Variants in ADCY10 observed in about 807,000 individuals in gnomAD.
The protein encoded by ADCY10 is adenylate cyclase 10.
Under a neutral mutation model 183.3 loss-of-function variants are expected in ADCY10, and 156 were observed. The observed-to-expected ratio is 0.85, with a 90% confidence interval of 0.75 to 0.97. The LOEUF is 0.97. ADCY10 is among the 50% of genes least tolerant of loss of function. ADCY10 has a pLI of 0.00. For missense variants in ADCY10, 1,745 were observed against 1,934.3 expected (o/e 0.90, Z 1.84); for synonymous variants, 645 against 670.0 (o/e 0.96, Z 0.58).
At chr1:167,817,859 G>C (rs576457061) in intron 31 of ADCY10, among the ~76,000 whole-genome samples, 2 of 152,156 alleles carry the variant, frequency 1.3e-5, no homozygotes, top group African/African-American at 4.8e-5. Context: ...AAAAATACTT[G>C]AAAAGTGGGA....
rs1339214572 is a variant in ADCY10, at chr1:167,875,144, A to G, written c.1449T>C (p.Asp483=). ...CCTACTACCTACCCAGCAAAGGGTA[A>G]TCCTCCTTTCTGTTGCAGATGAGGC... ...MACLICNRKE[D]YPLLGRNKEI... is the part of the protein sequence containing the mutation. Residue 483 remains aspartate, a synonymous_variant, in exon 13 of 33, where the codon GAT becomes GAC. Transcript: ENST00000367851. 3.1e-6 allele frequency: 5 copies of G among 1,614,080 alleles called. No homozygotes were observed. Among genetic ancestry groups the G allele is most frequent in the Non-Finnish European group, 8.5e-7 (1 of 1,180,010 alleles).
intron 31 of ADCY10, among the ~76,000 whole-genome samples, chr1:167,816,536 A>T (rs1662540597): frequency 6.6e-6 from 1 of 151,888 alleles, no homozygotes; most frequent in Admixed American, 6.6e-5. Flanking sequence ...ACAGAGTGAG[A>T]CTCCATTTCA....
At chr1:167,888,664 C>T (rs948428038) in intron 8 of ADCY10, among the ~76,000 whole-genome samples, 21 of 152,088 alleles carry the variant, frequency 1.4e-4, no homozygotes, top group African/African-American at 4.8e-4. Context: ...ATCACGAGGT[C>T]AGGAGATCGA....
rs1358629057 is a variant in ADCY10 at position 167,880,055 on chromosome 1, C to T, written c.1216+60G>A. The T allele has an allele frequency of 3.4e-6, 5 of 1,454,608 alleles. No homozygotes were observed. In the Admixed American group the frequency reaches 9.2e-5, roughly 27 times the overall value. 90.1% of individuals were successfully genotyped at this position (1,454,608 alleles called of 1,614,324 possible). A position where few individuals can be genotyped will look rare whatever the true frequency, so the allele number is the denominator to read the frequency against. On this transcript the variant is annotated intron_variant, in intron 11 of 32. Transcript: ENST00000367851. ...CATTTTTGTGCTTCCTCCCGCAAAG[C>T]CCAGTGGCAAGGTGCTGTGTTTGCA...
At chr1:167,861,331 T>C (rs184915344) in intron 14 of ADCY10, among the ~76,000 whole-genome samples, 2 of 152,284 alleles carry the variant, frequency 1.3e-5, no homozygotes, top group East Asian at 1.9e-4. Flanking sequence ...ACTACCCCCA[T>C]CCAGGTCATG....
At chr1:167,855,181 G>A (rs564911674) in intron 17 of ADCY10, among the ~76,000 whole-genome samples, 6 of 152,232 alleles carry the variant, frequency 3.9e-5, no homozygotes, top group Admixed American at 2.6e-4. Flanking sequence ...TTAGCTGGGC[G>A]TAGTGGGGCA....
At chr1:167,828,009 C>T (rs1663443025) in intron 26 of ADCY10, among the ~76,000 whole-genome samples, 3 of 152,084 alleles carry the variant, frequency 2.0e-5, no homozygotes, top group Admixed American at 2.0e-4. Context: ...CCACCATGCC[C>T]CGCTAATATC....
Position 167,901,646 on chromosome 1 carries a change from C to A in ADCY10, c.436+16G>T. 1.2e-6 allele frequency: 2 copies of A among 1,613,638 alleles called. No homozygotes were observed. Among genetic ancestry groups the A allele is most frequent in the Non-Finnish European group, 1.7e-6 (2 of 1,179,750 alleles). Reference sequence around the variant, plus strand: ...ATCCCAGCTGCCGTAGGATTTATTCCTTCTCAAATGCTTACCTATCTTGAC... The same window carrying A: ...ATCCCAGCTGCCGTAGGATTTATTCATTCTCAAATGCTTACCTATCTTGAC... On this transcript the variant is annotated intron_variant, in intron 5 of 32. Transcript: ENST00000367851.
chr1:167,887,338 T>C (rs537226911), intron 8 of ADCY10, among the ~76,000 whole-genome samples: 54 of 152,318 alleles, frequency 3.5e-4, no homozygotes, highest in African/African-American at 1.2e-3. Context: ...AAATGTGGCA[T>C]GTATACACAG....
At chr1:167,837,367 A>C in intron 21 of ADCY10, 49 bp from the exon 22 acceptor site, 4 of 1,492,642 alleles carry the variant, frequency 2.7e-6, no homozygotes, top group Non-Finnish European at 3.7e-6. Flanking sequence ...TGTTCTCTGC[A>C]GTGGAGATAT....
chr1:167,810,973 T>G, intron 31 of ADCY10, 60 bp from the exon 32 acceptor site: 1 of 1,489,220 alleles, frequency 6.7e-7, no homozygotes. Flanking sequence ...TGACTGTAAG[T>G]TATTTCCTTC....
At chr1:167,909,574 A>T (rs1670023393) in intron 1 of ADCY10, among the ~76,000 whole-genome samples, 1 of 152,024 alleles carries the variant, frequency 6.6e-6, no homozygotes, top group Admixed American at 6.6e-5. Context: ...TTCTTAGCTC[A>T]TCAGCTATCA....
chr1:167,849,385 C>T lies in ADCY10; in HGVS notation c.2309-896G>A, dbSNP rs576413291. On this transcript the variant is annotated intron_variant, in intron 18 of 32. Transcript: ENST00000367851. ...CAGCCATTCATGTAGTCCTTGGTAG[C>T]GGCAAGACTGTGCTAGGTGAGGTGG... 6.6e-5 allele frequency among the ~76,000 whole-genome samples: 10 copies of T among 152,216 alleles called. No homozygotes were observed. In the South Asian group the frequency reaches 1.9e-3, roughly 28 times the overall value.
chr1:167,835,762 C>A (rs530419451), intron 23 of ADCY10, among the ~76,000 whole-genome samples: 1 of 152,118 alleles, frequency 6.6e-6, no homozygotes, highest in Non-Finnish European at 1.5e-5. Flanking sequence ...TGGTGGCATA[C>A]GTCTGCAGTC....
At chr1:167,869,613 A>G (rs941571896) in intron 14 of ADCY10, among the ~76,000 whole-genome samples, 28 of 152,148 alleles carry the variant, frequency 1.8e-4, no homozygotes, top group African/African-American at 6.5e-4. Context: ...TGTTATCTAT[A>G]GATTCCACAC....
intron 5 of ADCY10, 103 bp downstream of exon 5, chr1:167,901,559 T>C: frequency 8.2e-7 from 1 of 1,216,558 alleles, no homozygotes; most frequent in Non-Finnish European, 1.2e-6. Flanking sequence ...ATCATGGGGC[T>C]GAGCCACCAT....
chr1:167,844,390 T>C (rs1001882559), intron 21 of ADCY10, among the ~76,000 whole-genome samples: 1 of 152,240 alleles, frequency 6.6e-6, no homozygotes, highest in African/African-American at 2.4e-5. Flanking sequence ...CTCGTCCCAC[T>C]GTGCAAAGCT....
chr1:167,884,653 C>G (rs1030573063), intron 8 of ADCY10, among the ~76,000 whole-genome samples: 2 of 151,600 alleles, frequency 1.3e-5, no homozygotes, highest in Non-Finnish European at 2.9e-5. Context: ...CCTTTGGTAA[C>G]CATCCTTATA....
intron 7 of ADCY10, among the ~76,000 whole-genome samples, chr1:167,894,520 T>G (rs1025711050): frequency 7.9e-5 from 12 of 151,874 alleles, no homozygotes; most frequent in Non-Finnish European, 1.8e-4. Flanking sequence ...GATAGACTGA[T>G]AAGAGATGGT....
Sources: allele counts gnomAD v4.1 joint callset (sites outside exome capture counted in the v4.1 genomes callset), GRCh38; gene constraint gnomAD v4.1.1; transcripts MANE v1.5; gene names NCBI Gene and HGNC (gene_info 2026-07-23, HGNC 2026-07-21).